The following HNRNPUL1 variants were observed in gnomAD, a reference collection of about 807,000 sequenced individuals.
HNRNPUL1 encodes heterogeneous nuclear ribonucleoprotein U like 1.
Under a neutral mutation model 108.5 loss-of-function variants are expected in HNRNPUL1, and 14 were observed. The ratio of observed to expected loss-of-function variants is 0.13; its 90% CI spans 0.09 to 0.20. The LOEUF is 0.20. Among genes scored for constraint, HNRNPUL1 ranks in the 10% least tolerant of loss-of-function variants. The probability of loss-of-function intolerance (pLI) is 1.00; values close to 1 mark genes in which losing one functional copy is unlikely to be tolerated. For missense variants in HNRNPUL1, 804 were observed against 1,168.3 expected (o/e 0.69, Z 4.55); for synonymous variants, 422 against 445.2 (o/e 0.95, Z 0.66).
chr19:41,270,556 C>T (rs2122482284), intron 2 of HNRNPUL1, among the ~76,000 whole-genome samples: 1 of 148,836 alleles, frequency 6.7e-6, no homozygotes, highest in South Asian at 2.1e-4. Context: ...TATGTCTTTA[C>T]AGAACAAAGT....
At chr19:41,276,977 A>T (rs2035594470) in intron 5 of HNRNPUL1, among the ~76,000 whole-genome samples, 1 of 152,074 alleles carries the variant, frequency 6.6e-6, no homozygotes, top group Admixed American at 6.6e-5. Context: ...GGGTGCCTGC[A>T]ATCCTAGCTA....
Position 41,297,647 on chromosome 19 carries a change from G to GC in HNRNPUL1, c.1518+2963dup, listed in dbSNP as rs559379827. ...GAGGCTTCTGGGGAGCCTCCGCAGG[G>GC]CCATGTTGCCCAAGCCCACCCCAGA... is the stretch of plus-strand genomic sequence containing the variant. On this transcript the variant is annotated intron_variant, in intron 10 of 14. Transcript: ENST00000392006. Among the ~76,000 whole-genome samples, 8 of 152,298 alleles carry GC rather than the reference G, an allele frequency of 5.3e-5. No homozygotes were observed. The East Asian group carries it at 1.5e-3, about 29-fold the overall frequency.
chr19:41,263,578 A>AT (rs2034624680), upstream of HNRNPUL1, among the ~76,000 whole-genome samples: 1 of 152,190 alleles, frequency 6.6e-6, no homozygotes, highest in South Asian at 2.1e-4. Flanking sequence ...TCTAGTTTCT[A>AT]TAGCCAAACC....
At chr19:41,281,093 T>C in intron 6 of HNRNPUL1, 70 bp from the exon 7 acceptor site, 2 of 913,362 alleles carry the variant, frequency 2.2e-6, no homozygotes, top group Admixed American at 4.0e-5. Flanking sequence ...AAAATAAAAG[T>C]ATGTGGCAGC....
At position 41,307,703 on chromosome 19, in the gene HNRNPUL1, G is replaced by GT. The variant is rs2037615314; in HGVS notation, c.*1140dup. ...GGAAGCAGGGTTGAAACCCTGAAGT[G>GT]TTACTGCAGTTGGCCGTTAATTGGG... On this transcript the variant is annotated 3_prime_UTR_variant, in exon 15 of 15. Transcript: ENST00000392006. 1 of 152,600 alleles carries GT rather than the reference G, an allele frequency of 6.6e-6. No homozygotes were observed. Among genetic ancestry groups the GT allele is most frequent in the Non-Finnish European group, 1.5e-5 (1 of 68,030 alleles). 9.5% of individuals were successfully genotyped at this position (152,600 alleles called of 1,614,324 possible).
chr19:41,278,412 T>C (rs1203122570), intron 5 of HNRNPUL1: 2 of 151,848 alleles, frequency 1.3e-5, no homozygotes, highest in African/African-American at 4.8e-5. Context: ...GGATATACCA[T>C]AATCAGTGCT....
intron 10 of HNRNPUL1, among the ~76,000 whole-genome samples, chr19:41,296,447 G>A (rs2036901104): frequency 6.6e-6 from 1 of 152,246 alleles, no homozygotes; most frequent in Non-Finnish European, 1.5e-5. Flanking sequence ...CAATGAGACA[G>A]AGAACCTAAA....
rs1232155908 is a variant in HNRNPUL1 at position 41,302,735 on chromosome 19, A to G, written c.1758A>G (p.Glu586=). 1.2e-6 allele frequency: 2 copies of G among 1,614,130 alleles called. No homozygotes were observed. The highest frequency in any genetic ancestry group is 1.7e-6 in the Non-Finnish European group (2 of 1,180,020). The change falls in exon 12 of 15, where the codon GAA becomes GAG. Residue 586 remains glutamate (E), a synonymous_variant. Transcript: ENST00000392006. ...TGTTCATTGAGCTGCAGCGGGAGGAAGCGGACAAGCTAGTGAGGCAGTACA... is the reference window on the plus strand; with the variant it reads ...TGTTCATTGAGCTGCAGCGGGAGGAGGCGGACAAGCTAGTGAGGCAGTACA... ...EVLFIELQRE[E]ADKLVRQYNE... is the part of the protein sequence containing the mutation.
intron 7 of HNRNPUL1, among the ~76,000 whole-genome samples, chr19:41,289,249 G>T (rs1298484033): frequency 6.6e-6 from 1 of 152,194 alleles, no homozygotes; most frequent in Non-Finnish European, 1.5e-5. Context: ...CTTTAAAAAG[G>T]CTCAGGGTGA....
At chr19:41,271,049 T>C (rs926582186) in intron 2 of HNRNPUL1, among the ~76,000 whole-genome samples, 9 of 152,192 alleles carry the variant, frequency 5.9e-5, no homozygotes, top group African/African-American at 1.9e-4. Context: ...GGTCCCACTA[T>C]TGAGAACTGA....
intron 3 of HNRNPUL1, 158 bp downstream of exon 3, chr19:41,272,393 C>A: frequency 1.3e-6 from 1 of 759,124 alleles, no homozygotes; most frequent in Non-Finnish European, 2.1e-6. Flanking sequence ...CTACCAGATT[C>A]AGCTTTCCTA....
chr19:41,304,398 T>C, intron 13 of HNRNPUL1, 137 bp downstream of exon 13: 1 of 1,431,896 alleles, frequency 7.0e-7, no homozygotes, highest in South Asian at 1.5e-5. Context: ...TAGCCTGCCC[T>C]TCTTTCTCCC....
chr19:41,305,192 A>G (rs1223358343), intron 13 of HNRNPUL1, among the ~76,000 whole-genome samples: 1 of 152,124 alleles, frequency 6.6e-6, no homozygotes, highest in Non-Finnish European at 1.5e-5. Context: ...TAGGTTCTAT[A>G]TGGAGATTAT....
Position 41,267,268 on chromosome 19 carries a change from AG to A in HNRNPUL1, c.296-954del, listed in dbSNP as rs2034908691. 2.6e-5 allele frequency among the ~76,000 whole-genome samples: 4 copies of A among 152,278 alleles called. No homozygotes were observed. The South Asian group carries it at 8.3e-4, about 32-fold the overall frequency. On this transcript the variant is annotated intron_variant, in intron 1 of 14. Transcript: ENST00000392006. Reference sequence around the variant, plus strand: ...AGAAGAGGGATGTTTTAGAGAATGGAGAAGGACCCTAGAATTATAGCTTCTC... The same window carrying A: ...AGAAGAGGGATGTTTTAGAGAATGGAAAGGACCCTAGAATTATAGCTTCTC...
In HNRNPUL1 at chr19:41,286,110, A is replaced by G. The variant is rs557500127; in HGVS notation, c.999+4835A>G. Reference sequence around the variant, plus strand: ...AAAAAAAAATTAATAGCCTACTGATAACATAAACAGTCAATTAACACATAG... The same window carrying G: ...AAAAAAAAATTAATAGCCTACTGATGACATAAACAGTCAATTAACACATAG... On this transcript the variant is annotated intron_variant, in intron 7 of 14. Coordinates refer to ENST00000392006, the MANE Select transcript of HNRNPUL1 (RefSeq NM_007040.6). 3.5e-4 allele frequency among the ~76,000 whole-genome samples: 53 copies of G among 152,284 alleles called. 2 individuals carry two copies. The South Asian group carries it at 9.7e-3, about 28-fold the overall frequency.
chr19:41,278,731 G>C (rs1481916987), intron 5 of HNRNPUL1, among the ~76,000 whole-genome samples: 2 of 152,134 alleles, frequency 1.3e-5, no homozygotes, highest in Non-Finnish European at 2.9e-5. Context: ...TTACAGGTGT[G>C]AGTCACCATC....
At chr19:41,274,964 A>G (rs2035462264) in intron 4 of HNRNPUL1, among the ~76,000 whole-genome samples, 2 of 152,186 alleles carry the variant, frequency 1.3e-5, no homozygotes, top group Non-Finnish European at 2.9e-5. Flanking sequence ...TGTACAGATC[A>G]TGACGGTCAG....
chr19:41,307,671 G>A lies in HNRNPUL1; in HGVS notation c.*1106G>A, dbSNP rs2037614212. On this transcript the variant is annotated 3_prime_UTR_variant, in exon 15 of 15. Transcript: ENST00000392006. ...TGAATAAATGACATGGCACCTCCTAGCAGGAAGGAAGCAGGGTTGAAACCC... is the reference window on the plus strand; with the variant it reads ...TGAATAAATGACATGGCACCTCCTAACAGGAAGGAAGCAGGGTTGAAACCC... The A allele has an allele frequency of 6.6e-6, 1 of 152,528 alleles. No individual in the cohort carries two copies. Among genetic ancestry groups the A allele is most frequent in the Non-Finnish European group, 1.5e-5 (1 of 68,016 alleles). The allele number at this position is 152,528 out of a possible 1,614,324, so 9.4% of individuals were successfully genotyped here.
chr19:41,282,984 G>A (rs1269173687), intron 7 of HNRNPUL1, among the ~76,000 whole-genome samples: 2 of 151,890 alleles, frequency 1.3e-5, no homozygotes, highest in East Asian at 1.9e-4. Flanking sequence ...GTGAGCCACC[G>A]CGCCCGGCCA....
Sources: allele counts gnomAD v4.1 joint callset (sites outside exome capture counted in the v4.1 genomes callset), GRCh38; gene constraint gnomAD v4.1.1; transcripts MANE v1.5; gene names NCBI Gene and HGNC (gene_info 2026-07-23, HGNC 2026-07-21).